The following ACSL5 variants were observed in gnomAD, a reference collection of about 807,000 sequenced individuals.
ACSL5 encodes acyl-CoA synthetase long chain family member 5.
Under a neutral mutation model 84.9 loss-of-function variants are expected in ACSL5, and 50 were observed. The observed-to-expected ratio is 0.59, with a 90% CI of 0.47 to 0.75. The LOEUF (loss-of-function observed/expected upper bound fraction) is 0.75. Among genes scored for constraint, ACSL5 ranks in the 30% least tolerant of loss-of-function variants. ACSL5 has a pLI of 0.00. For missense variants in ACSL5, 775 were observed against 830.4 expected (o/e 0.93, Z 0.82); for synonymous variants, 280 against 300.7 (o/e 0.93, Z 0.71).
chr10:112,404,811 CTA>C lies in ACSL5; in HGVS notation c.432+7_432+8del. On this transcript the variant is annotated splice_donor_region_variant and intron_variant, in intron 5 of 20. Coordinates refer to ENST00000354655, the MANE Select transcript of ACSL5 (RefSeq NM_203379.2). ...TTTGCTCAGAATAGGCCAGAGGTAA[CTA>C]TGTTGAAGTTAACTAAAGGAAATGA... The C allele has an allele frequency of 6.2e-7, 1 of 1,607,978 alleles. No individual in the cohort carries two copies. The highest frequency in any genetic ancestry group is 8.5e-7 in the Non-Finnish European group (1 of 1,175,734).
chr10:112,381,709 C>A (rs910015789), intron 1 of ACSL5, among the ~76,000 whole-genome samples: 3 of 148,154 alleles, frequency 2.0e-5, no homozygotes, highest in Non-Finnish European at 3.0e-5. Context: ...TGGCTCACAC[C>A]TGTAATCCCA....
rs573237286 is a variant in ACSL5 at position 112,386,343 on chromosome 10, GC to G, written c.-29-8573del. 1.0e-3 allele frequency among the ~76,000 whole-genome samples: 155 copies of G among 151,754 alleles called. 1 individual carries two copies. The highest frequency in any genetic ancestry group is 3.6e-3 in the African/African-American group (150 of 41,382). On this transcript the variant is annotated intron_variant, in intron 1 of 20. Coordinates refer to ENST00000354655, the MANE Select transcript of ACSL5 (RefSeq NM_203379.2). ...CTAGTAGCTGGGATTATAAGCGCAC[GC>G]CACCATGCCAAGCTAATTTTTGTAT...
chr10:112,404,877 G>A (rs535065955), intron 5 of ACSL5, 71 bp downstream of exon 5: 31 of 1,342,810 alleles, frequency 2.3e-5, no homozygotes, highest in East Asian at 9.2e-5. Context: ...GCTATTCCCC[G>A]TCCAGCATTC....
chr10:112,389,235 G>C (rs890131068), intron 1 of ACSL5, among the ~76,000 whole-genome samples: 1 of 152,176 alleles, frequency 6.6e-6, no homozygotes, highest in Non-Finnish European at 1.5e-5. Context: ...ACAGAGGTGT[G>C]AAGGCAGAAG....
intron 1 of ACSL5, among the ~76,000 whole-genome samples, chr10:112,386,610 T>C (rs2133574745): frequency 6.6e-6 from 1 of 152,306 alleles, no homozygotes; most frequent in East Asian, 1.9e-4. Context: ...AGTTTTATTT[T>C]TTTCTGGATG....
At chr10:112,396,946 C>T (rs1220080252) in intron 2 of ACSL5, among the ~76,000 whole-genome samples, 1 of 152,140 alleles carries the variant, frequency 6.6e-6, no homozygotes, top group African/African-American at 2.4e-5. Flanking sequence ...TTGTTACATC[C>T]TCGTGTGTTT....
intron 20 of ACSL5, 30 bp downstream of exon 20, chr10:112,426,889 C>T (rs1375444721): frequency 1.3e-6 from 2 of 1,533,030 alleles, no homozygotes; most frequent in East Asian, 2.3e-5. Flanking sequence ...TTATACTGGC[C>T]TCTTGTCAGA....
intron 5 of ACSL5, 79 bp from the exon 6 acceptor site, chr10:112,408,343 C>T (rs898017821): frequency 8.3e-6 from 7 of 845,922 alleles, no homozygotes; most frequent in Non-Finnish European, 1.2e-5. Context: ...AAAAACCAGA[C>T]AGCATTTGTT....
Position 112,416,935 on chromosome 10 carries a change from G to A in ACSL5, c.1131G>A (p.Leu377=), listed in dbSNP as rs11812261. Residue 377 remains leucine, a synonymous_variant, in exon 13 of 21, where the codon CTG becomes CTA. Transcript: ENST00000354655. ...CCTTGAAGAAGTTCTTGTTGAAGCT[G>A]GCTGTTTCCAGTAAATTCAAAGAGC... is the stretch of plus-strand genomic sequence containing the variant. The part of the protein sequence containing the change: ...KTPLKKFLLK[L]AVSSKFKELQ... 1.8e-3 allele frequency: 2,905 copies of A among 1,614,066 alleles called. 56 individuals are homozygous for A. In the African/African-American group the frequency reaches 0.034, roughly 19 times the overall value.
chr10:112,399,030 T>G, intron 3 of ACSL5, 21 bp downstream of exon 3: 2 of 1,596,670 alleles, frequency 1.3e-6, no homozygotes, highest in South Asian at 2.2e-5. Context: ...TGGTCTGTCC[T>G]TGCCTGAAGA....
intron 12 of ACSL5, among the ~76,000 whole-genome samples, chr10:112,414,617 C>G (rs1193742960): frequency 6.6e-6 from 1 of 152,046 alleles, no homozygotes; most frequent in Non-Finnish European, 1.5e-5. Flanking sequence ...CTCAGCCTCC[C>G]AAATTGTTAG....
At chr10:112,401,828 C>CTTTCTTTCT (rs1554862715) in intron 3 of ACSL5, among the ~76,000 whole-genome samples, 2 of 108,738 alleles carry the variant, frequency 1.8e-5, no homozygotes, top group African/African-American at 6.6e-5. Context: ...TTCTTTCTTT[C>CTTTCTTTCT]TTTCTTTCTT....
intron 14 of ACSL5, among the ~76,000 whole-genome samples, chr10:112,418,293 A>T (rs1844365016): frequency 6.6e-6 from 1 of 151,814 alleles, no homozygotes; most frequent in South Asian, 2.1e-4. Flanking sequence ...ATAATACTTG[A>T]CTCCCTAGCC....
chr10:112,392,555 C>G (rs968634955), intron 1 of ACSL5, among the ~76,000 whole-genome samples: 1 of 152,114 alleles, frequency 6.6e-6, no homozygotes, highest in African/African-American at 2.4e-5. Flanking sequence ...TCCTGGCCAA[C>G]ATAGTGAAAC....
intron 3 of ACSL5, among the ~76,000 whole-genome samples, chr10:112,399,808 C>A (rs1260409813): frequency 6.6e-6 from 1 of 152,218 alleles, no homozygotes; most frequent in Non-Finnish European, 1.5e-5. Context: ...TATATTACTT[C>A]ATCTTCCCTA....
At chr10:112,415,510 G>T (rs1322990423) in intron 12 of ACSL5, among the ~76,000 whole-genome samples, 2 of 152,228 alleles carry the variant, frequency 1.3e-5, no homozygotes, top group Non-Finnish European at 2.9e-5. Context: ...TTGAGGGAGG[G>T]TGAGTCTTGT....
intron 1 of ACSL5, among the ~76,000 whole-genome samples, chr10:112,392,431 G>T (rs1843663550): frequency 8.4e-6 from 1 of 118,968 alleles, no homozygotes; most frequent in Non-Finnish European, 2.0e-5. Flanking sequence ...GCATGGTGAG[G>T]CTGTGTCTTT....
At chr10:112,390,814 CA>C (rs1403644449) in intron 1 of ACSL5, among the ~76,000 whole-genome samples, 1 of 152,072 alleles carries the variant, frequency 6.6e-6, no homozygotes, top group Non-Finnish European at 1.5e-5. Context: ...AAGTCAGACA[CA>C]AAAAGTCACA....
chr10:112,394,519 G>A (rs1266851069), intron 1 of ACSL5, among the ~76,000 whole-genome samples: 1 of 152,176 alleles, frequency 6.6e-6, no homozygotes, highest in Non-Finnish European at 1.5e-5. Context: ...CTGACCCTTG[G>A]TCTGCCTGGG....
Sources: gnomAD v4.1 joint callset for allele counts (sites outside exome capture counted in the v4.1 genomes callset) on GRCh38, gnomAD v4.1.1 for gene constraint, MANE v1.5 for transcripts, NCBI Gene and HGNC (gene_info 2026-07-23, HGNC 2026-07-21) for gene names.